Variants in TMEM59 observed in about 807,000 individuals in gnomAD.
TMEM59 encodes the protein dendritic cell factor 1.
Under a neutral mutation model 42.2 loss-of-function variants are expected in TMEM59, and 44 were observed. The observed-to-expected ratio is 1.04, with a 90% CI of 0.82 to 1.34. The LOEUF (loss-of-function observed/expected upper bound fraction) is 1.34. Among genes scored for constraint, TMEM59 ranks in the 40% most tolerant of loss-of-function variants. The pLI is 0.00. For synonymous variants in TMEM59, 148 were observed against 145.8 expected, an observed-to-expected ratio of 1.02 and a Z score of -0.11; for missense variants, 359 against 382.8, an observed-to-expected ratio of 0.94 and a Z score of 0.52.
intron 6 of TMEM59, among the ~76,000 whole-genome samples, 163 bp downstream of exon 6, chr1:54,040,593 C>A (rs1392215741): frequency 6.6e-6 from 1 of 152,154 alleles, no homozygotes; most frequent in Admixed American, 6.5e-5. Flanking sequence ...AGTATGCCTA[C>A]AACCTTTTAA....
upstream of TMEM59, chr1:54,053,230 TCTCGGAAGGGTTTC>T (rs1657642403): frequency 6.2e-7 from 1 of 1,604,012 alleles, no homozygotes. Context: ...GTTGCTGTTT[TCTCGGAAGGGTTTC>T]CTCCTCCTCC....
rs760753289 is a variant in TMEM59 at position 54,052,981 on chromosome 1, C to T, written c.189+19G>A. On this transcript the variant is annotated intron_variant, in intron 1 of 7. Transcript: ENST00000234831. The stretch of plus-strand genomic sequence containing the variant: ...GGGCTGCAAGGGAAGGGTCGCAGCC[C>T]GCTCCGGACGGGCCCTACCTTAGGG... 1.2e-5 allele frequency: 19 copies of T among 1,597,770 alleles called. No individual in the cohort carries two copies. Among genetic ancestry groups the T allele is most frequent in the Non-Finnish European group, 1.6e-5 (19 of 1,168,740 alleles).
rs746149150 is a variant in TMEM59, at chr1:54,032,924, CTTT to C, written c.817-622_817-620del. Among the ~76,000 whole-genome samples, 199 of 138,068 alleles carry C rather than the reference CTTT, an allele frequency of 1.4e-3. 2 individuals are homozygous for C. Among genetic ancestry groups the C allele is most frequent in the South Asian group, 4.2e-3 (18 of 4,296 alleles). The allele number at this position is 138,068 out of a possible 152,430, so 90.6% of individuals were successfully genotyped here. A position where few individuals can be genotyped will look rare whatever the true frequency, so the allele number is the denominator to read the frequency against. On this transcript the variant is annotated intron_variant, in intron 7 of 7. Coordinates refer to ENST00000234831, the MANE Select transcript of TMEM59 (RefSeq NM_004872.5). ...GATATATGTATGAATGTCTCTGTCT[CTTT>C]TTTTTTTTTTTTTAAAGAGACGGGG... is the stretch of plus-strand genomic sequence containing the variant.
chr1:54,032,385 T>C, intron 7 of TMEM59, 80 bp from the exon 8 acceptor site: 2 of 1,268,876 alleles, frequency 1.6e-6, no homozygotes, highest in Non-Finnish European at 2.1e-6. Flanking sequence ...AACAATTTAA[T>C]TTATAAATAG....
At chr1:54,048,640 C>A in intron 1 of TMEM59, 1 of 437,838 alleles carries the variant, frequency 2.3e-6, no homozygotes, top group Non-Finnish European at 4.7e-6. Context: ...GGGGAGCCCC[C>A]TCGACTTACT....
chr1:54,047,650 A>G (rs12065783), intron 1 of TMEM59: 27,369 of 347,740 alleles, frequency 0.079, 3,311 homozygotes, highest in African/African-American at 0.37. Flanking sequence ...TGTGGGGGGG[A>G]AAAATTAAAA....
chr1:54,053,026 T>C lies in TMEM59; in HGVS notation c.163A>G (p.Thr55Ala). 6 of 1,613,936 alleles carry C rather than the reference T, an allele frequency of 3.7e-6. No individual in the cohort carries two copies. The highest frequency in any genetic ancestry group is 5.1e-6 in the Non-Finnish European group (6 of 1,179,946). Residue 55 changes from threonine to alanine, a missense_variant, in exon 1 of 8, where the codon ACC (threonine) becomes GCC (alanine). Physicochemically the swap from Thr to Ala is moderately conservative, Grantham distance 58. Transcript: ENST00000234831. ...TASCHRACQL[T>A]YPLHTYPKEE... ...TTAGGGTAGGTGTGCAAGGGGTAGG[T>C]CAACTGACAGGCCCGGTGGCAAGAC...
At chr1:54,036,511 C>T in intron 7 of TMEM59, 99 bp downstream of exon 7, 1 of 820,278 alleles carries the variant, frequency 1.2e-6, no homozygotes. Flanking sequence ...TTCTCTCTTT[C>T]TATTAGTAGA....
chr1:54,040,906 T>C, intron 5 of TMEM59, 69 bp from the exon 6 acceptor site: 1 of 1,200,164 alleles, frequency 8.3e-7, no homozygotes, highest in Non-Finnish European at 1.2e-6. Flanking sequence ...TGACTACTTC[T>C]AGATATATAC....
At chr1:54,039,024 T>C (rs979871051) in intron 6 of TMEM59, among the ~76,000 whole-genome samples, 1 of 152,126 alleles carries the variant, frequency 6.6e-6, no homozygotes, top group African/African-American at 2.4e-5. Context: ...TTTTATTTTT[T>C]GTAGAGATGG....
intron 6 of TMEM59, among the ~76,000 whole-genome samples, chr1:54,039,154 A>G (rs1657053885): frequency 6.6e-6 from 1 of 152,178 alleles, no homozygotes; most frequent in Admixed American, 6.5e-5. Flanking sequence ...GGCCAAAAGA[A>G]TAATTTTTAT....
intron 7 of TMEM59, among the ~76,000 whole-genome samples, chr1:54,035,962 T>C (rs1283944132): frequency 2.0e-5 from 3 of 152,166 alleles, no homozygotes; most frequent in Admixed American, 1.3e-4. Context: ...ATTGTGGTAA[T>C]TAATTTAAAC....
intron 1 of TMEM59, among the ~76,000 whole-genome samples, chr1:54,051,844 A>C (rs1482159125): frequency 1.3e-5 from 2 of 152,134 alleles, no homozygotes; most frequent in Non-Finnish European, 2.9e-5. Flanking sequence ...CTTCTCCCAC[A>C]CTTTTTTTTG....
chr1:54,034,446 G>T (rs781098730), intron 7 of TMEM59: 4 of 152,228 alleles, frequency 2.6e-5, no homozygotes, highest in Admixed American at 6.5e-5. Context: ...AGGTGCCCCA[G>T]TACCTTAAGC....
At chr1:54,050,910 G>A (rs1301035239) in intron 1 of TMEM59, among the ~76,000 whole-genome samples, 1 of 150,890 alleles carries the variant, frequency 6.6e-6, no homozygotes, top group Non-Finnish European at 1.5e-5. Context: ...TCAGACTGGC[G>A]TGCACTGGCG....
chr1:54,038,455 G>T (rs1342531807), intron 6 of TMEM59, among the ~76,000 whole-genome samples: 3 of 152,156 alleles, frequency 2.0e-5, no homozygotes, highest in East Asian at 1.9e-4. Context: ...TTAGATCTGA[G>T]AACTCCTGAC....
intron 7 of TMEM59, chr1:54,033,227 T>G (rs1656825132): frequency 6.6e-6 from 1 of 152,204 alleles, no homozygotes; most frequent in Non-Finnish European, 1.5e-5. Context: ...TCCCAAAGTG[T>G]TGGGATACAT....
chr1:54,033,122 T>TTTTC, intron 7 of TMEM59: 1 of 148,518 alleles, frequency 6.7e-6, no homozygotes, highest in Admixed American at 6.6e-5. Flanking sequence ...TTTCTTTTTT[T>TTTTC]TTTCTTTCTT....
At position 54,052,993 on chromosome 1, in the gene TMEM59, G is replaced by T; in HGVS notation, c.189+7C>A. On this transcript the variant is annotated splice_region_variant and intron_variant, in intron 1 of 7. Transcript: ENST00000234831. ...AAGGGTCGCAGCCCGCTCCGGACGG[G>T]CCCTACCTTAGGGTAGGTGTGCAAG... The T allele has an allele frequency of 6.2e-7, 1 of 1,610,038 alleles. No homozygotes were observed. Among genetic ancestry groups the T allele is most frequent in the Non-Finnish European group, 8.5e-7 (1 of 1,177,136 alleles).
Sources: gnomAD v4.1 joint callset for allele counts (sites outside exome capture counted in the v4.1 genomes callset) on GRCh38, gnomAD v4.1.1 for gene constraint, MANE v1.5 for transcripts, NCBI Gene and HGNC (gene_info 2026-07-23, HGNC 2026-07-21) for gene names.